Variants in RBM27 observed in about 807,000 individuals in gnomAD.
RBM27 encodes the protein RNA binding motif protein 27, also known as RNA-binding protein 27.
In RBM27, 22 loss-of-function variants were observed where a neutral mutation model predicts 135.3. That is an observed-to-expected ratio of 0.16 (90% confidence interval 0.12 to 0.23). The LOEUF (loss-of-function observed/expected upper bound fraction) is 0.23. Among genes scored for constraint, RBM27 ranks in the 10% least tolerant of loss-of-function variants. The pLI, the probability that RBM27 is intolerant of heterozygous loss-of-function variation, is 1.00. For synonymous variants in RBM27, 481 were observed against 442.4 expected, an observed-to-expected ratio of 1.09 and a Z score of -1.10; for missense variants, 1,009 against 1,281.0, an observed-to-expected ratio of 0.79 and a Z score of 3.24.
chr5:146,270,889 C>A, intron 17 of RBM27, 65 bp from the exon 18 acceptor site: 1 of 979,994 alleles, frequency 1.0e-6, no homozygotes, highest in Non-Finnish European at 1.6e-6. Context: ...GTGTAACTAT[C>A]ATGTTCTGGA....
intron 1 of RBM27, among the ~76,000 whole-genome samples, chr5:146,204,104 G>A (rs150317480): frequency 6.6e-6 from 1 of 152,340 alleles, no homozygotes; most frequent in African/African-American, 2.4e-5. Flanking sequence ...GGGGTAGCAG[G>A]GGCCGTGAGG....
intron 2 of RBM27, among the ~76,000 whole-genome samples, chr5:146,221,376 A>G (rs898741716): frequency 3.3e-5 from 5 of 152,210 alleles, no homozygotes; most frequent in African/African-American, 1.2e-4. Flanking sequence ...TTTCCATTTC[A>G]GTAGCCATTA....
intron 1 of RBM27, among the ~76,000 whole-genome samples, chr5:146,205,055 G>A (rs1416001213): frequency 3.3e-5 from 5 of 152,232 alleles, no homozygotes; most frequent in Non-Finnish European, 5.9e-5. Flanking sequence ...GCGCCACCAC[G>A]CCCAGCTAAT....
intron 19 of RBM27, among the ~76,000 whole-genome samples, chr5:146,282,341 A>G (rs1043958330): frequency 2.0e-5 from 3 of 151,972 alleles, no homozygotes; most frequent in Non-Finnish European, 4.4e-5. Flanking sequence ...GGTTATTTCT[A>G]CTATGTGGCT....
rs117711504 is a variant in RBM27, at chr5:146,267,271, G to T, written c.2332-378G>T. Among the ~76,000 whole-genome samples the T allele has an allele frequency of 4.5e-4, 68 of 152,256 alleles. No individual in the cohort carries two copies. The East Asian group carries it at 8.7e-3, about 19-fold the overall frequency. On this transcript the variant is annotated intron_variant, in intron 14 of 20. Transcript: ENST00000265271. ...CTAAAGCAGTAAGTGGTAAAGAAGC[G>T]GCAGTCATTACCAGGATAAACAGAT... is the stretch of plus-strand genomic sequence containing the variant.
At chr5:146,267,100 A>T (rs1409860299) in intron 14 of RBM27, among the ~76,000 whole-genome samples, 1 of 152,240 alleles carries the variant, frequency 6.6e-6, no homozygotes, top group Admixed American at 6.5e-5. Context: ...TCAACTTATT[A>T]TTCAGTGAGA....
At chr5:146,251,684 G>C (rs1474460925) in intron 8 of RBM27, 27 bp from the exon 9 acceptor site, 2 of 1,568,712 alleles carry the variant, frequency 1.3e-6, no homozygotes, top group Non-Finnish European at 1.8e-6. Flanking sequence ...CTCATTCCCA[G>C]CTGCCCTCCT....
chr5:146,256,857 C>A (rs897056578), intron 10 of RBM27, among the ~76,000 whole-genome samples: 2 of 151,852 alleles, frequency 1.3e-5, no homozygotes, highest in East Asian at 1.9e-4. Context: ...TTAGTGACTT[C>A]CTTCCTTTAA....
intron 19 of RBM27, among the ~76,000 whole-genome samples, chr5:146,284,347 C>T (rs1759495826): frequency 6.6e-6 from 1 of 152,072 alleles, no homozygotes; most frequent in African/African-American, 2.4e-5. Flanking sequence ...AGTAGAGCAA[C>T]TCTACTTAGA....
intron 7 of RBM27, among the ~76,000 whole-genome samples, chr5:146,235,445 G>T (rs1262836619): frequency 6.6e-6 from 1 of 151,958 alleles, no homozygotes; most frequent in Non-Finnish European, 1.5e-5. Flanking sequence ...AGTCCCTACT[G>T]CTTGGGAGCT....
At chr5:146,239,477 T>G (rs796757007) in intron 8 of RBM27, among the ~76,000 whole-genome samples, 1 of 140,206 alleles carries the variant, frequency 7.1e-6, no homozygotes, top group Admixed American at 7.0e-5. Flanking sequence ...CTTTTCTTTT[T>G]TTTTTTTTTT....
At position 146,230,694 on chromosome 5, in the gene RBM27, T is replaced by C. The variant is rs751504607; in HGVS notation, c.627T>C (p.Asn209=). ...GATCGAAGTTTAAGAGTGAAAGGAA[T>C]GACCTGGAGAGTTCCTATGTGCCTG... is the stretch of plus-strand genomic sequence containing the variant. ...RERSKFKSER[N]DLESSYVPVS... is the part of the protein sequence containing the mutation. Residue 209 remains asparagine, a synonymous_variant, in exon 6 of 21, where the codon AAT becomes AAC. Coordinates refer to ENST00000265271, the MANE Select transcript of RBM27 (RefSeq NM_018989.2). 2 of 1,614,056 alleles carry C rather than the reference T, an allele frequency of 1.2e-6. No individual in the cohort carries two copies. The highest frequency in any genetic ancestry group is 1.7e-6 in the Non-Finnish European group (2 of 1,179,924).
intron 14 of RBM27, among the ~76,000 whole-genome samples, chr5:146,264,269 C>T (rs1472640362): frequency 1.3e-5 from 2 of 151,980 alleles, no homozygotes; most frequent in Non-Finnish European, 2.9e-5. Flanking sequence ...CCGCAACCTC[C>T]ACCTCCTGGG....
intron 1 of RBM27, among the ~76,000 whole-genome samples, chr5:146,214,590 G>C (rs1756111177): frequency 6.6e-6 from 1 of 152,126 alleles, no homozygotes; most frequent in Admixed American, 6.5e-5. Context: ...TATATAGTGA[G>C]GGGTCAATGG....
rs774163187 is a variant in RBM27, at chr5:146,203,746, G to A, written c.-20G>A. ...GCAGGCCTGAAGAAGAGCGGCGGCCGAGCCCGCCTTCCCTGCACCATGCTC... is the reference window on the plus strand; with the variant it reads ...GCAGGCCTGAAGAAGAGCGGCGGCCAAGCCCGCCTTCCCTGCACCATGCTC... On this transcript the variant is annotated 5_prime_UTR_variant, in exon 1 of 21. Transcript: ENST00000265271. 1.1e-4 allele frequency: 168 copies of A among 1,548,594 alleles called. No individual in the cohort carries two copies. Among genetic ancestry groups the A allele is most frequent in the Middle Eastern group, 3.4e-4 (2 of 5,928 alleles).
intron 2 of RBM27, among the ~76,000 whole-genome samples, chr5:146,221,865 A>G (rs1756476137): frequency 6.6e-6 from 1 of 151,176 alleles, no homozygotes; most frequent in South Asian, 2.1e-4. Context: ...TTAAAATAGT[A>G]TTAAGTGAAC....
At chr5:146,258,620 T>G in intron 11 of RBM27, 27 bp downstream of exon 11, 1 of 1,501,174 alleles carries the variant, frequency 6.7e-7, no homozygotes, top group Non-Finnish European at 8.9e-7. Flanking sequence ...ATTAGTAGCA[T>G]CTAATTGTTA....
Position 146,286,077 on chromosome 5 carries a change from C to T in RBM27, c.*47C>T. On this transcript the variant is annotated 3_prime_UTR_variant, in exon 21 of 21. Transcript: ENST00000265271. Reference sequence around the variant, plus strand: ...TTTTTAGGAATATTGTTTAGAAGAACAACTTTTAAAAATTATTTAAAAGAA... The same window carrying T: ...TTTTTAGGAATATTGTTTAGAAGAATAACTTTTAAAAATTATTTAAAAGAA... 1 of 1,508,810 alleles carries T rather than the reference C, an allele frequency of 6.6e-7. No individual in the cohort carries two copies. The highest frequency in any genetic ancestry group is 9.0e-7 in the Non-Finnish European group (1 of 1,117,020). The allele number at this position is 1,508,810 out of a possible 1,614,324, so 93.5% of individuals were successfully genotyped here. A position where few individuals can be genotyped will look rare whatever the true frequency, so the allele number is the denominator to read the frequency against.
intron 8 of RBM27, among the ~76,000 whole-genome samples, chr5:146,237,818 G>A (rs1186350196): frequency 6.6e-6 from 1 of 152,132 alleles, no homozygotes; most frequent in Non-Finnish European, 1.5e-5. Flanking sequence ...CTCCCAAGTA[G>A]CTGGGACAGC....
Sources: gnomAD v4.1 joint callset for allele counts (sites outside exome capture counted in the v4.1 genomes callset) on GRCh38, gnomAD v4.1.1 for gene constraint, MANE v1.5 for transcripts, NCBI Gene and HGNC (gene_info 2026-07-23, HGNC 2026-07-21) for gene names.